Variants in PTK2 observed in about 807,000 individuals in gnomAD.
PTK2 encodes the protein protein tyrosine kinase 2, also known as focal adhesion kinase 1.
In PTK2, 45 loss-of-function variants were observed where a neutral mutation model predicts 150.1. The ratio of observed to expected loss-of-function variants is 0.30; its 90% CI spans 0.24 to 0.38. The LOEUF (loss-of-function observed/expected upper bound fraction) is 0.38. Ranked by LOEUF, PTK2 falls within the 10% of genes least tolerant of loss-of-function variation. PTK2 has a pLI of 1.00. For synonymous variants in PTK2, 432 were observed against 449.2 expected (o/e 0.96, Z 0.48); for missense variants, 919 against 1,307.3 (o/e 0.70, Z 4.58).
At chr8:140,931,088 GAAAA>G (rs2100171561) in intron 1 of PTK2, among the ~76,000 whole-genome samples, 1 of 134,378 alleles carries the variant, frequency 7.4e-6, no homozygotes, top group African/African-American at 2.7e-5. Context: ...AAAAAAAAAA[GAAAA>G]AGAAAAAGAG....
intron 7 of PTK2, 70 bp from the exon 8 acceptor site, chr8:140,830,596 A>C: frequency 1.2e-6 from 1 of 865,572 alleles, no homozygotes; most frequent in Non-Finnish European, 1.8e-6. Flanking sequence ...ACTTGCAAGA[A>C]CATAAAAGCA....
chr8:140,828,358 G>T (rs913288731), intron 8 of PTK2, among the ~76,000 whole-genome samples: 4 of 152,044 alleles, frequency 2.6e-5, no homozygotes, highest in African/African-American at 9.7e-5. Context: ...ACCTCTTTGG[G>T]CACCTGTCTC....
chr8:140,828,215 A>G (rs2100113104), intron 8 of PTK2, among the ~76,000 whole-genome samples: 1 of 152,130 alleles, frequency 6.6e-6, no homozygotes, highest in Non-Finnish European at 1.5e-5. Flanking sequence ...AAGATACTAA[A>G]CAGGGTCCCA....
chr8:140,699,177 T>C (rs2154058745), intron 26 of PTK2, among the ~76,000 whole-genome samples: 3 of 152,296 alleles, frequency 2.0e-5, no homozygotes, highest in Middle Eastern at 6.8e-3. Flanking sequence ...ATTAGTTAAA[T>C]TTAACACAAA....
At chr8:140,841,211 C>T (rs1220903389) in intron 7 of PTK2, among the ~76,000 whole-genome samples, 1 of 152,084 alleles carries the variant, frequency 6.6e-6, no homozygotes, top group Admixed American at 6.5e-5. Context: ...AAAGCAAATA[C>T]AACAAAATGT....
At chr8:140,872,336 C>T (rs569882398) in intron 4 of PTK2, among the ~76,000 whole-genome samples, 15 of 152,224 alleles carry the variant, frequency 9.9e-5, no homozygotes, top group South Asian at 2.1e-4. Context: ...TGAGCCACCA[C>T]GCCTGGCCCG....
At chr8:140,743,197 GC>G (rs1410846972) in intron 20 of PTK2, 32 bp downstream of exon 23, 1 of 1,369,830 alleles carries the variant, frequency 7.3e-7, no homozygotes, top group African/African-American at 1.4e-5. Context: ...AAGATTCCAA[GC>G]CTATTTCTTA....
chr8:140,944,468 G>A (rs957252557), intron 1 of PTK2, among the ~76,000 whole-genome samples: 21 of 152,184 alleles, frequency 1.4e-4, no homozygotes, highest in African/African-American at 4.3e-4. Flanking sequence ...ATACTGCCAC[G>A]AGGAATCTTG....
At chr8:140,922,320 T>C (rs2100167778) in intron 2 of PTK2, among the ~76,000 whole-genome samples, 2 of 151,976 alleles carry the variant, frequency 1.3e-5, no homozygotes, top group African/African-American at 4.8e-5. Flanking sequence ...GCATGAACTC[T>C]GACCCCAGGG....
chr8:140,663,992 G>A (rs1162119572), intron 31 of PTK2, among the ~76,000 whole-genome samples: 1 of 151,890 alleles, frequency 6.6e-6, no homozygotes, highest in Non-Finnish European at 1.5e-5. Context: ...AATTTAAAAT[G>A]ATTTTTTTTT....
intron 27 of PTK2, among the ~76,000 whole-genome samples, chr8:140,679,239 G>T (rs1049181000): frequency 5.3e-5 from 8 of 151,588 alleles, no homozygotes; most frequent in African/African-American, 1.9e-4. Flanking sequence ...GGGCCAGGCT[G>T]GTCTTGAACT....
chr8:140,849,482 T>C (rs1321870192), intron 5 of PTK2, among the ~76,000 whole-genome samples: 1 of 152,224 alleles, frequency 6.6e-6, no homozygotes, highest in Non-Finnish European at 1.5e-5. Context: ...ATTGCTATCA[T>C]TTGTGAAACC....
At chr8:140,675,955 C>A (rs2100013372) in intron 27 of PTK2, among the ~76,000 whole-genome samples, 1 of 152,184 alleles carries the variant, frequency 6.6e-6, no homozygotes. Context: ...GATACCTGCA[C>A]TGCTATGTTT....
At chr8:140,880,853 ATACTGG>A (rs1356847905) in intron 3 of PTK2, among the ~76,000 whole-genome samples, 1 of 152,166 alleles carries the variant, frequency 6.6e-6, no homozygotes, top group Non-Finnish European at 1.5e-5. Context: ...TGTGCTCCCC[ATACTGG>A]TACCTGGCAT....
At chr8:140,896,031 T>A (rs982972001) in intron 2 of PTK2, among the ~76,000 whole-genome samples, 1 of 151,944 alleles carries the variant, frequency 6.6e-6, no homozygotes, top group Admixed American at 6.6e-5. Flanking sequence ...GAGAATATAA[T>A]AAGAGGTAAG....
At chr8:140,820,612 A>ATTTTTTTT in intron 8 of PTK2, 1 of 147,184 alleles carries the variant, frequency 6.8e-6, no homozygotes. Flanking sequence ...GAGTAACTGG[A>ATTTTTTTT]CTCCAATGGA....
At chr8:140,838,484 A>T (rs2100120173) in intron 7 of PTK2, among the ~76,000 whole-genome samples, 1 of 152,158 alleles carries the variant, frequency 6.6e-6, no homozygotes, top group Non-Finnish European at 1.5e-5. Flanking sequence ...CAATATTGTT[A>T]AGTATCTTTA....
rs770936115 is a variant in PTK2, at chr8:140,746,747, G to C, written c.1518+13C>G. The C allele has an allele frequency of 6.4e-7, 1 of 1,573,376 alleles. No individual in the cohort carries two copies. Among genetic ancestry groups the C allele is most frequent in the Non-Finnish European group, 8.7e-7 (1 of 1,152,364 alleles). On this transcript the variant is annotated intron_variant, in intron 18 of 31. Transcript: ENST00000522684. Reference sequence around the variant, plus strand: ...CGCTGAGTCCAGAAGGTAAGATTTGGGGATCACAGTACCTCTCCAAGTGTG... The same window carrying C: ...CGCTGAGTCCAGAAGGTAAGATTTGCGGATCACAGTACCTCTCCAAGTGTG...
In PTK2 at chr8:140,865,968, AG is replaced by A. The variant is rs920762547; in HGVS notation, c.363-1570del. Among the ~76,000 whole-genome samples, 264 of 152,162 alleles carry A rather than the reference AG, an allele frequency of 1.7e-3. 1 individual carries two copies. Among genetic ancestry groups the A allele is most frequent in the Non-Finnish European group, 2.5e-3 (171 of 67,998 alleles). ...GCTGGCTAACTTTTGTATTTTTAGT[AG>A]GGCTGGGGTTTTGCCATGTTGCCCA... is the stretch of plus-strand genomic sequence containing the variant. On this transcript the variant is annotated intron_variant, in intron 4 of 31. Transcript: ENST00000522684.
Sources: allele counts gnomAD v4.1 joint callset (sites outside exome capture counted in the v4.1 genomes callset), GRCh38; gene constraint gnomAD v4.1.1; transcripts MANE v1.5; gene names NCBI Gene and HGNC (gene_info 2026-07-23, HGNC 2026-07-21).